Variants in DOCK9 observed in about 807,000 individuals in gnomAD.
The protein encoded by DOCK9 is dedicator of cytokinesis 9.
Under a neutral mutation model 263.3 loss-of-function variants are expected in DOCK9, and 89 were observed. That is an observed-to-expected ratio of 0.34 (90% CI 0.28 to 0.40). The LOEUF is 0.40. DOCK9 is among the 10% of genes least tolerant of loss of function. The probability of loss-of-function intolerance (pLI) is 1.00; values close to 1 mark genes in which losing one functional copy is unlikely to be tolerated. For synonymous variants in DOCK9, 976 were observed against 973.1 expected (o/e 1.00, Z -0.06); for missense variants, 2,140 against 2,603.4 (o/e 0.82, Z 3.87).
At chr13:98,949,843 A>C in intron 2 of DOCK9, 1 of 482,200 alleles carries the variant, frequency 2.1e-6, no homozygotes, top group Non-Finnish European at 4.1e-6. Flanking sequence ...TGCAAGACCC[A>C]TGAGATCTCC....
chr13:98,810,104 G>T, intron 46 of DOCK9, 65 bp downstream of exon 46: 1 of 1,603,658 alleles, frequency 6.2e-7, no homozygotes. Flanking sequence ...CATATATGCA[G>T]GTCTGGGTAT....
intron 38 of DOCK9, among the ~76,000 whole-genome samples, chr13:98,841,153 G>A (rs1015444403): frequency 1.3e-5 from 2 of 152,120 alleles, no homozygotes; most frequent in Non-Finnish European, 1.5e-5. Flanking sequence ...TTTGATATCT[G>A]CCCTTTGATC....
chr13:99,038,175 A>AT (rs1308723957), intron 1 of DOCK9, among the ~76,000 whole-genome samples: 13 of 151,510 alleles, frequency 8.6e-5, no homozygotes, highest in Non-Finnish European at 5.9e-5. Flanking sequence ...CAGATTTACT[A>AT]TGCTCACTTG....
intron 1 of DOCK9, among the ~76,000 whole-genome samples, chr13:99,031,494 C>T (rs1032249823): frequency 4.6e-5 from 7 of 152,200 alleles, no homozygotes; most frequent in African/African-American, 1.7e-4. Flanking sequence ...AAAGTATTTA[C>T]ACACATAAGA....
intron 1 of DOCK9, among the ~76,000 whole-genome samples, chr13:99,003,989 T>C (rs1336823233): frequency 2.6e-5 from 4 of 152,182 alleles, no homozygotes; most frequent in Non-Finnish European, 5.9e-5. Context: ...ACTCCCACCA[T>C]TGTCCTACAG....
chr13:98,923,187 C>T (rs1368583239), intron 5 of DOCK9, 115 bp downstream of exon 5: 1 of 942,016 alleles, frequency 1.1e-6, no homozygotes, highest in Non-Finnish European at 1.7e-6. Context: ...TCATGTAACA[C>T]TCCAATGCCT....
Position 98,853,426 on chromosome 13 carries a change from A to G in DOCK9, c.3928T>C (p.Leu1310=). The change falls in exon 35 of 53, where the codon TTA becomes CTA. Residue 1310 remains leucine (L), a synonymous_variant. Transcript: ENST00000682017. The part of the protein sequence containing the change: ...KSLLMCFLYI[L]KSMSDDALFT... Reference sequence around the variant, plus strand: ...AACCTACCATCAGACATGCTCTTTAAGATGTAGAGGAAACACATCAGTAGG... The same window carrying G: ...AACCTACCATCAGACATGCTCTTTAGGATGTAGAGGAAACACATCAGTAGG... The G allele has an allele frequency of 6.2e-7, 1 of 1,609,088 alleles. No homozygotes were observed. The highest frequency in any genetic ancestry group is 2.2e-5 in the East Asian group (1 of 44,690).
chr13:98,800,294 A>G lies in DOCK9; in HGVS notation c.5910T>C (p.Ser1970=), dbSNP rs1221994870. 2 of 1,599,670 alleles carry G rather than the reference A, an allele frequency of 1.3e-6. No homozygotes were observed. The highest frequency in any genetic ancestry group is 1.3e-5 in the African/African-American group (1 of 74,762). ...CCTGCTGTGCCTGGCTCACCTGAAC[A>G]CTCACGCTGCCCTGGAGTTTGAGCT... ...KLQLKLQGSV[S]VQVNAGPLAY... Residue 1970 remains serine, a synonymous_variant, in exon 50 of 53, where the codon AGT becomes AGC. Transcript: ENST00000682017.
At chr13:99,066,983 T>G (rs2142337220) in intron 1 of DOCK9, among the ~76,000 whole-genome samples, 1 of 152,330 alleles carries the variant, frequency 6.6e-6, no homozygotes, top group East Asian at 1.9e-4. Context: ...GTGTAATAGA[T>G]AAGTAGGTCC....
chr13:98,932,716 C>A (rs1190674777), intron 2 of DOCK9, among the ~76,000 whole-genome samples: 2 of 152,130 alleles, frequency 1.3e-5, no homozygotes, highest in African/African-American at 2.4e-5. Context: ...TTATTCTTTT[C>A]TTGCACTGTG....
chr13:99,024,236 C>T (rs1201101974), intron 1 of DOCK9, among the ~76,000 whole-genome samples: 8 of 152,168 alleles, frequency 5.3e-5, no homozygotes, highest in Non-Finnish European at 8.8e-5. Flanking sequence ...CACATGAGCG[C>T]AGGAAGCACC....
chr13:98,809,116 A>C, intron 47 of DOCK9: 2 of 1,545,608 alleles, frequency 1.3e-6, no homozygotes, highest in Non-Finnish European at 1.7e-6. Flanking sequence ...AAGGAGGAAG[A>C]ACTTACCGCT....
At chr13:98,909,924 A>T (rs2049738137) in intron 9 of DOCK9, among the ~76,000 whole-genome samples, 1 of 152,230 alleles carries the variant, frequency 6.6e-6, no homozygotes, top group African/African-American at 2.4e-5. Flanking sequence ...TACCTGGAAC[A>T]ATAAGTTCAT....
chr13:98,898,218 C>T lies in DOCK9; in HGVS notation c.1547G>A (p.Arg516Lys). 2 of 1,612,272 alleles carry T rather than the reference C, an allele frequency of 1.2e-6. No individual in the cohort carries two copies. The highest frequency in any genetic ancestry group is 1.7e-6 in the Non-Finnish European group (2 of 1,179,202). ...AAATGGCATTCTATACTGTCCTAGTCTTTGGCATGCCTGCTTGGCATTCTT... is the reference window on the plus strand; with the variant it reads ...AAATGGCATTCTATACTGTCCTAGTTTTTGGCATGCCTGCTTGGCATTCTT... ...VLKNAKQACQRLGQYRMPFAW... is the reference protein window; with the variant it reads ...VLKNAKQACQKLGQYRMPFAW... Residue 516 changes from arginine (R) to lysine (K), a missense_variant, in exon 14 of 53, where the codon AGA (arginine) becomes AAA (lysine). Transcript: ENST00000682017.
At position 98,810,267 on chromosome 13, in the gene DOCK9, G is replaced by C; in HGVS notation, c.5155C>G (p.Gln1719Glu). The C allele has an allele frequency of 6.2e-7, 1 of 1,613,676 alleles. No individual in the cohort carries two copies. The highest frequency in any genetic ancestry group is 8.5e-7 in the Non-Finnish European group (1 of 1,179,884). ...GCTTTCCAGAGTCCATCTGCGCACT[G>C]CTCAAGGAGCTCCATCAGCACATCC... ...NEDVLMELLE[Q>E]CADGLWKAER... is the part of the protein sequence containing the mutation. Residue 1719 changes from glutamine to glutamate, a missense_variant, in exon 46 of 53, where the codon CAG becomes GAG. Physicochemically the swap from Gln to Glu is conservative, Grantham distance 29. Coordinates refer to ENST00000682017, the MANE Select transcript of DOCK9 (RefSeq NM_001366683.2).
chr13:98,883,196 C>T, intron 22 of DOCK9, 65 bp from the exon 23 acceptor site: 1 of 1,363,900 alleles, frequency 7.3e-7, no homozygotes, highest in Non-Finnish European at 1.0e-6. Context: ...GAAATAGAAG[C>T]ATTTGTTTCT....
At chr13:99,086,184 C>A in intron 1 of DOCK9, 1 of 1,464,500 alleles carries the variant, frequency 6.8e-7, no homozygotes, top group East Asian at 2.9e-5. Flanking sequence ...GCCTGCGCCC[C>A]CGCCATCCTC....
At chr13:99,012,411 T>C (rs992344128) in intron 1 of DOCK9, among the ~76,000 whole-genome samples, 1 of 152,182 alleles carries the variant, frequency 6.6e-6, no homozygotes, top group African/African-American at 2.4e-5. Flanking sequence ...CCATCCTTCA[T>C]GAATGTTACA....
chr13:98,955,648 T>G (rs909649177), intron 1 of DOCK9, 97 bp from the exon 2 acceptor site: 1 of 830,556 alleles, frequency 1.2e-6, no homozygotes, highest in Non-Finnish European at 1.9e-6. Flanking sequence ...TTGTATTTTC[T>G]ACAATTAGAG....
Sources: gnomAD v4.1 joint callset for allele counts (sites outside exome capture counted in the v4.1 genomes callset) on GRCh38, gnomAD v4.1.1 for gene constraint, MANE v1.5 for transcripts, NCBI Gene and HGNC (gene_info 2026-07-23, HGNC 2026-07-21) for gene names.